Variants in PCDH9 observed in about 807,000 individuals in gnomAD.
PCDH9 encodes the protein protocadherin 9.
PCDH9 carries 24 observed loss-of-function variants against 70.6 expected under a neutral mutation model. That is an observed-to-expected ratio of 0.34 (90% CI 0.25 to 0.48). The LOEUF (loss-of-function observed/expected upper bound fraction) is 0.48, where lower values mean the gene tolerates loss of function less well. Among genes scored for constraint, PCDH9 ranks in the 20% least tolerant of loss-of-function variants. PCDH9 has a pLI of 0.99. For missense variants in PCDH9, 1,281 were observed against 1,503.6 expected, an observed-to-expected ratio of 0.85 and a Z score of 2.45; for synonymous variants, 562 against 558.5, an observed-to-expected ratio of 1.01 and a Z score of -0.09.
At position 66,592,240 on chromosome 13, in the gene PCDH9, C is replaced by A. The variant is rs532465244; in HGVS notation, c.3340+38970G>T. Among the ~76,000 whole-genome samples, 3 of 151,754 alleles carry A rather than the reference C, an allele frequency of 2.0e-5. No homozygotes were observed. The East Asian group carries it at 5.8e-4, about 30-fold the overall frequency. ...AAAACAACAACAAAAAAATAGAACACAATTTCGGTTAACTAGAATTCTGGG... is the reference window on the plus strand; with the variant it reads ...AAAACAACAACAAAAAAATAGAACAAAATTTCGGTTAACTAGAATTCTGGG... On this transcript the variant is annotated intron_variant, in intron 4 of 4. Transcript: ENST00000377865.
chr13:66,634,785 TC>T (rs2077616141), intron 3 of PCDH9, among the ~76,000 whole-genome samples: 1 of 152,068 alleles, frequency 6.6e-6, no homozygotes, highest in South Asian at 2.1e-4. Flanking sequence ...GATTCCCTTA[TC>T]CCCCACCCCC....
chr13:67,225,815 A>T lies in PCDH9; in HGVS notation c.2626T>A (p.Ser876Thr), dbSNP rs778618114. The change falls in exon 2 of 5, where the codon TCT becomes ACT. Residue 876 changes from serine (S) to threonine (T), a missense_variant. Coordinates refer to ENST00000377865, the MANE Select transcript of PCDH9 (RefSeq NM_203487.3). ...AAGTTCAAAAGAGAGCTTTTGGGAG[A>T]CTTCCTTTTCTTTCTTTTCTTTTTC... ...NKKKKRKKRKSPKSSLLNFVT... is the reference protein window; with the variant it reads ...NKKKKRKKRKTPKSSLLNFVT... 6.2e-7 allele frequency: 1 copy of T among 1,613,810 alleles called. No homozygotes were observed. Among genetic ancestry groups the T allele is most frequent in the South Asian group, 1.1e-5 (1 of 91,056 alleles).
intron 2 of PCDH9, among the ~76,000 whole-genome samples, chr13:66,983,030 A>C (rs1272783287): frequency 1.3e-5 from 2 of 152,178 alleles, no homozygotes; most frequent in East Asian, 3.9e-4. Context: ...AGTTCTGAGA[A>C]ATGGGGCAGT....
intron 4 of PCDH9, among the ~76,000 whole-genome samples, chr13:66,485,461 T>TCACTG (rs1447477950): frequency 2.0e-5 from 3 of 152,228 alleles, no homozygotes; most frequent in Non-Finnish European, 2.9e-5. Context: ...TGTATATACC[T>TCACTG]ACATCAGTCA....
At chr13:66,616,013 G>A (rs1193333065) in intron 4 of PCDH9, among the ~76,000 whole-genome samples, 1 of 152,200 alleles carries the variant, frequency 6.6e-6, no homozygotes, top group Non-Finnish European at 1.5e-5. Context: ...AGGCTATTCT[G>A]CCCTTTAAAG....
intron 3 of PCDH9, among the ~76,000 whole-genome samples, chr13:66,818,672 C>T (rs1175214559): frequency 6.6e-6 from 1 of 152,106 alleles, no homozygotes; most frequent in Non-Finnish European, 1.5e-5. Context: ...GTGGCTCACG[C>T]CTGTAGTCCC....
intron 4 of PCDH9, among the ~76,000 whole-genome samples, chr13:66,514,216 T>C (rs1172127156): frequency 1.3e-5 from 2 of 152,134 alleles, no homozygotes; most frequent in East Asian, 1.9e-4. Context: ...AGTTCCTAAA[T>C]TGATTTTGCT....
In PCDH9 at chr13:66,489,842, A is replaced by C. The variant is rs74567434; in HGVS notation, c.3340+141368T>G. Among the ~76,000 whole-genome samples, 1,048 of 152,312 alleles carry C rather than the reference A, an allele frequency of 6.9e-3. 35 individuals are homozygous for C. In the East Asian group the frequency reaches 0.092, roughly 13 times the overall value. ...TGTTATGATAAGAACACGGAGAGCT[A>C]GTAACAGTCTTAAAATGTTCAGACT... On this transcript the variant is annotated intron_variant, in intron 4 of 4. Transcript: ENST00000377865.
intron 4 of PCDH9, among the ~76,000 whole-genome samples, chr13:66,576,356 T>C (rs956779281): frequency 6.6e-6 from 1 of 152,102 alleles, no homozygotes; most frequent in Non-Finnish European, 1.5e-5. Flanking sequence ...ATATATTTTT[T>C]ATAATGTCCA....
intron 4 of PCDH9, among the ~76,000 whole-genome samples, chr13:66,312,212 C>T (rs913128341): frequency 6.6e-6 from 1 of 152,158 alleles, no homozygotes; most frequent in East Asian, 1.9e-4. Flanking sequence ...TTGATGCATG[C>T]CCTCTATACA....
intron 3 of PCDH9, among the ~76,000 whole-genome samples, chr13:66,793,421 T>C (rs1456969321): frequency 6.6e-6 from 1 of 152,174 alleles, no homozygotes; most frequent in Non-Finnish European, 1.5e-5. Context: ...AGTGATTTTA[T>C]AGGTAAAGTG....
At chr13:66,989,856 T>G (rs987124984) in intron 2 of PCDH9, among the ~76,000 whole-genome samples, 15 of 151,958 alleles carry the variant, frequency 9.9e-5, no homozygotes, top group African/African-American at 3.6e-4. Context: ...GTATATTTCC[T>G]CACACTAACA....
chr13:66,731,006 A>AGCT (rs1454335859), intron 3 of PCDH9, among the ~76,000 whole-genome samples: 17 of 150,932 alleles, frequency 1.1e-4, no homozygotes, highest in African/African-American at 2.9e-4. Context: ...TAACAGGCTG[A>AGCT]ACTATCAGGC....
intron 2 of PCDH9, 49 bp downstream of exon 2, chr13:67,225,356 C>G: frequency 6.4e-7 from 1 of 1,557,778 alleles, no homozygotes; most frequent in Non-Finnish European, 8.8e-7. Context: ...TACTGGTTGA[C>G]TGGGCACTTG....
intron 4 of PCDH9, among the ~76,000 whole-genome samples, chr13:66,387,439 T>G (rs1194573151): frequency 6.6e-6 from 1 of 151,338 alleles, no homozygotes; most frequent in Non-Finnish European, 1.5e-5. Context: ...TGGGGCCTGG[T>G]GAGAGGAGTT....
intron 3 of PCDH9, among the ~76,000 whole-genome samples, chr13:66,768,401 T>G (rs2139267484): frequency 6.6e-6 from 1 of 152,210 alleles, no homozygotes; most frequent in African/African-American, 2.4e-5. Flanking sequence ...TTTCCTAAAC[T>G]ACTATAATGT....
At chr13:66,874,189 A>G (rs2081754234) in intron 3 of PCDH9, among the ~76,000 whole-genome samples, 3 of 152,060 alleles carry the variant, frequency 2.0e-5, no homozygotes, top group Admixed American at 2.0e-4. Context: ...CTGATGTAAG[A>G]GAATATTATC....
At chr13:66,517,178 T>C (rs897499526) in intron 4 of PCDH9, among the ~76,000 whole-genome samples, 1 of 152,180 alleles carries the variant, frequency 6.6e-6, no homozygotes, top group Non-Finnish European at 1.5e-5. Context: ...AAATACAATA[T>C]AGTTAAACTT....
chr13:66,548,153 A>G (rs1961300849), intron 4 of PCDH9, among the ~76,000 whole-genome samples: 1 of 151,968 alleles, frequency 6.6e-6, no homozygotes, highest in Non-Finnish European at 1.5e-5. Flanking sequence ...TGGAATCGAC[A>G]TTTTAAATTT....
Sources: allele counts gnomAD v4.1 joint callset (sites outside exome capture counted in the v4.1 genomes callset), GRCh38; gene constraint gnomAD v4.1.1; transcripts MANE v1.5; gene names NCBI Gene and HGNC (gene_info 2026-07-23, HGNC 2026-07-21).